The following ST6GALNAC3 variants were observed in gnomAD, a reference collection of about 807,000 sequenced individuals.
ST6GALNAC3 encodes the protein ST6 N-acetylgalactosaminide alpha-2,6-sialyltransferase 3.
ST6GALNAC3 carries 25 observed loss-of-function variants against 32.7 expected under a neutral mutation model. The ratio of observed to expected loss-of-function variants is 0.76; its 90% confidence interval spans 0.56 to 1.07. The LOEUF is 1.07. Among genes scored for constraint, ST6GALNAC3 ranks in the 50% least tolerant of loss-of-function variants. The pLI is 0.00. For synonymous variants in ST6GALNAC3, 129 were observed against 133.1 expected, an observed-to-expected ratio of 0.97 and a Z score of 0.21; for missense variants, 355 against 382.4, an observed-to-expected ratio of 0.93 and a Z score of 0.60.
At chr1:76,157,364 C>T (rs1651521747) in intron 1 of ST6GALNAC3, among the ~76,000 whole-genome samples, 1 of 152,170 alleles carries the variant, frequency 6.6e-6, no homozygotes, top group Non-Finnish European at 1.5e-5. Context: ...AAACTTGGCT[C>T]TCAGCATCTG....
At chr1:76,451,003 T>C (rs902890656) in intron 3 of ST6GALNAC3, among the ~76,000 whole-genome samples, 3 of 152,234 alleles carry the variant, frequency 2.0e-5, no homozygotes. Context: ...GATTTGTTCT[T>C]TTTGCTTAGT....
In ST6GALNAC3 at chr1:76,358,469, A is replaced by C. The variant is rs114848055; in HGVS notation, c.213+44470A>C. 6.8e-3 allele frequency among the ~76,000 whole-genome samples: 1,032 copies of C among 152,194 alleles called. 7 individuals are homozygous for C. Among genetic ancestry groups the C allele is most frequent in the African/African-American group, 0.024 (1,009 of 41,506 alleles). Reference sequence around the variant, plus strand: ...CTTCTTCTCCCTTACTCCTTATAAAAAATCCATTTCCAAGCCTCTAGTTTT... The same window carrying C: ...CTTCTTCTCCCTTACTCCTTATAAACAATCCATTTCCAAGCCTCTAGTTTT... On this transcript the variant is annotated intron_variant, in intron 2 of 4. Transcript: ENST00000328299.
chr1:76,585,920 A>G (rs969163029), intron 3 of ST6GALNAC3, among the ~76,000 whole-genome samples: 9 of 152,218 alleles, frequency 5.9e-5, no homozygotes, highest in Non-Finnish European at 1.3e-4. Context: ...GCAAAAATCA[A>G]CTAACCTATC....
At chr1:76,325,973 A>G (rs1157293905) in intron 2 of ST6GALNAC3, among the ~76,000 whole-genome samples, 1 of 151,966 alleles carries the variant, frequency 6.6e-6, no homozygotes, top group African/African-American at 2.4e-5. Context: ...GCATCATTTT[A>G]TTAAGTAGAT....
intron 3 of ST6GALNAC3, among the ~76,000 whole-genome samples, chr1:76,579,161 TC>T (rs1646855293): frequency 6.6e-6 from 1 of 152,088 alleles, no homozygotes; most frequent in East Asian, 1.9e-4. Flanking sequence ...TAATTTGTTT[TC>T]TTTTTGCTTT....
At chr1:76,287,334 T>C (rs1415054294) in intron 1 of ST6GALNAC3, among the ~76,000 whole-genome samples, 1 of 152,130 alleles carries the variant, frequency 6.6e-6, no homozygotes, top group Non-Finnish European at 1.5e-5. Context: ...TAAGAGCAGT[T>C]GAAGTTATTT....
intron 3 of ST6GALNAC3, among the ~76,000 whole-genome samples, chr1:76,465,638 A>T (rs778284547): frequency 2.0e-5 from 3 of 152,170 alleles, no homozygotes. Flanking sequence ...TTTAAATGTC[A>T]TATTAGCCAA....
chr1:76,465,906 G>C (rs1279419900), intron 3 of ST6GALNAC3, among the ~76,000 whole-genome samples: 1 of 151,906 alleles, frequency 6.6e-6, no homozygotes, highest in Non-Finnish European at 1.5e-5. Flanking sequence ...TTCTTTAACA[G>C]AATTGTTGGA....
chr1:76,305,864 A>G (rs1661017985), intron 1 of ST6GALNAC3: 5 of 516,884 alleles, frequency 9.7e-6, no homozygotes, highest in Non-Finnish European at 1.9e-5. Flanking sequence ...GCCCAAAGTC[A>G]TAGATGGAGA....
chr1:76,437,099 T>C (rs77060362), intron 3 of ST6GALNAC3, among the ~76,000 whole-genome samples: 4,372 of 152,260 alleles, frequency 0.029, 86 homozygotes, highest in African/African-American at 0.056. Flanking sequence ...GACTCCCCTC[T>C]GTGTACCTGT....
At chr1:76,326,892 ATTTCT>A (rs1475004704) in intron 2 of ST6GALNAC3, among the ~76,000 whole-genome samples, 3 of 110,040 alleles carry the variant, frequency 2.7e-5, no homozygotes, top group African/African-American at 6.8e-5. Flanking sequence ...TCTTTTTCTC[ATTTCT>A]TTTCAATATT....
chr1:76,170,960 TCTTA>T (rs1652450880), intron 1 of ST6GALNAC3, among the ~76,000 whole-genome samples: 1 of 152,202 alleles, frequency 6.6e-6, no homozygotes, highest in Non-Finnish European at 1.5e-5. Context: ...GTACAGTATT[TCTTA>T]CAGTAGAGGA....
chr1:76,402,344 G>A (rs1201750060), intron 2 of ST6GALNAC3, among the ~76,000 whole-genome samples: 1 of 152,072 alleles, frequency 6.6e-6, no homozygotes, highest in Non-Finnish European at 1.5e-5. Flanking sequence ...TGCCTCCAAG[G>A]AATGTACATA....
intron 2 of ST6GALNAC3, among the ~76,000 whole-genome samples, chr1:76,345,268 T>C (rs1184174808): frequency 2.0e-5 from 3 of 152,108 alleles, no homozygotes; most frequent in Non-Finnish European, 4.4e-5. Context: ...TCAAAAAGAA[T>C]CTTTTTGAAT....
chr1:76,272,132 C>T (rs1658879557), intron 1 of ST6GALNAC3, among the ~76,000 whole-genome samples: 2 of 151,794 alleles, frequency 1.3e-5, no homozygotes. Flanking sequence ...TTGAGATCAT[C>T]CTGGCCAATA....
At position 76,119,512 on chromosome 1, in the gene ST6GALNAC3, T is replaced by G. The variant is rs561015723; in HGVS notation, c.18+44628T>G. On this transcript the variant is annotated intron_variant, in intron 1 of 4. Coordinates refer to ENST00000328299, the MANE Select transcript of ST6GALNAC3 (RefSeq NM_152996.4). The stretch of plus-strand genomic sequence containing the variant: ...GAGGATGGAAAGGAGTTCTAGGAGT[T>G]GAGTTATGTGAGGGATGGTGTATTT... Among the ~76,000 whole-genome samples the G allele has an allele frequency of 2.0e-5, 3 of 152,232 alleles. No homozygotes were observed. In the East Asian group the frequency reaches 5.8e-4, roughly 29 times the overall value.
chr1:76,091,185 C>T (rs545167925), intron 1 of ST6GALNAC3, among the ~76,000 whole-genome samples: 58 of 152,160 alleles, frequency 3.8e-4, no homozygotes, highest in Non-Finnish European at 2.5e-4. Flanking sequence ...GAATGTGTCA[C>T]GTGTAAAATG....
intron 1 of ST6GALNAC3, among the ~76,000 whole-genome samples, chr1:76,190,890 T>G (rs1361616277): frequency 6.6e-6 from 1 of 152,160 alleles, no homozygotes; most frequent in South Asian, 2.1e-4. Context: ...GCAGAAAAAG[T>G]GGAAGTGAAA....
chr1:76,473,241 A>G (rs2101632263), intron 3 of ST6GALNAC3, among the ~76,000 whole-genome samples: 1 of 152,278 alleles, frequency 6.6e-6, no homozygotes, highest in South Asian at 2.1e-4. Flanking sequence ...AGGAGAAGTC[A>G]CACAGCAGTA....
Sources: allele counts gnomAD v4.1 joint callset (sites outside exome capture counted in the v4.1 genomes callset), GRCh38; gene constraint gnomAD v4.1.1; transcripts MANE v1.5; gene names NCBI Gene and HGNC (gene_info 2026-07-23, HGNC 2026-07-21).